The following PIK3C2G variants were observed in gnomAD, a reference collection of about 807,000 sequenced individuals.
PIK3C2G encodes the protein phosphatidylinositol-4-phosphate 3-kinase catalytic subunit type 2 gamma, also known as phosphatidylinositol 3-kinase C2 domain-containing subunit gamma.
In PIK3C2G, 168 loss-of-function variants were observed where a neutral mutation model predicts 181.1. The observed-to-expected ratio is 0.93, with a 90% CI of 0.82 to 1.05. The LOEUF (loss-of-function observed/expected upper bound fraction) is 1.05, where lower values mean the gene tolerates loss of function less well. Ranked by LOEUF, PIK3C2G falls within the 50% of genes least tolerant of loss-of-function variation. The pLI, the probability that PIK3C2G is intolerant of heterozygous loss-of-function variation, is 0.00. For missense variants in PIK3C2G, 1,869 were observed against 1,732.8 expected, an observed-to-expected ratio of 1.08 and a Z score of -1.40; for synonymous variants, 573 against 592.2, an observed-to-expected ratio of 0.97 and a Z score of 0.47.
At position 18,424,010 on chromosome 12, in the gene PIK3C2G, G is replaced by C; in HGVS notation, c.2475G>C (p.Gln825His). The C allele has an allele frequency of 6.2e-7, 1 of 1,611,150 alleles. No homozygotes were observed. Among genetic ancestry groups the C allele is most frequent in the Non-Finnish European group, 8.5e-7 (1 of 1,178,514 alleles). The change falls in exon 18 of 33, where the codon CAG becomes CAC. Residue 825 changes from glutamine to histidine, a missense_variant. Transcript: ENST00000538779. ...LVQLLLHRSL[Q>H]SIQVAHRLYW... ...AACTTCTACTCCACCGCTCCTTGCA[G>C]AGCATCCAGGTTGCCCATCGTCTTT...
chr12:18,397,314 CA>C (rs1308980138), intron 15 of PIK3C2G, among the ~76,000 whole-genome samples: 2 of 151,756 alleles, frequency 1.3e-5, no homozygotes, highest in African/African-American at 4.8e-5. Context: ...TGGACATTAT[CA>C]AAATTTAAAA....
intron 18 of PIK3C2G, among the ~76,000 whole-genome samples, chr12:18,466,534 T>A (rs1014909299): frequency 1.3e-5 from 2 of 151,956 alleles, no homozygotes; most frequent in Middle Eastern, 3.2e-3. Context: ...CATTTTAAAG[T>A]TAATTTTATT....
At chr12:18,321,791 G>A (rs1160350213) in intron 7 of PIK3C2G, among the ~76,000 whole-genome samples, 1 of 152,212 alleles carries the variant, frequency 6.6e-6, no homozygotes, top group African/African-American at 2.4e-5. Context: ...TCTCTTGCGG[G>A]ACAGAGATGG....
chr12:18,428,383 T>G (rs1945960166), intron 18 of PIK3C2G, among the ~76,000 whole-genome samples: 5 of 152,072 alleles, frequency 3.3e-5, no homozygotes, highest in Admixed American at 2.6e-4. Context: ...TTATGAGATT[T>G]TTTTTCACGT....
chr12:18,708,355 G>T, the PIK3C2G span, among the ~76,000 whole-genome samples: 35 of 151,664 alleles, frequency 2.3e-4, no homozygotes, highest in African/African-American at 7.7e-4. Flanking sequence ...CTCATTCTTT[G>T]TAAAGACTGA....
At chr12:18,254,604 G>A (rs979678356) in intron 1 of PIK3C2G, among the ~76,000 whole-genome samples, 2 of 151,894 alleles carry the variant, frequency 1.3e-5, no homozygotes, top group Non-Finnish European at 2.9e-5. Flanking sequence ...GAGCACTTTG[G>A]GAGGCCAAGG....
At chr12:18,673,129 G>A in the PIK3C2G span, among the ~76,000 whole-genome samples, 1 of 152,092 alleles carries the variant, frequency 6.6e-6, no homozygotes, top group Non-Finnish European at 1.5e-5. Flanking sequence ...GTATGAAGAA[G>A]ACAGGCTTAA....
intron 22 of PIK3C2G, among the ~76,000 whole-genome samples, chr12:18,502,540 T>G (rs1941563492): frequency 6.6e-6 from 1 of 152,204 alleles, no homozygotes; most frequent in Admixed American, 6.5e-5. Context: ...TGAGAGAGCT[T>G]TAAGTACTGG....
At chr12:18,632,852 A>G (rs373945884) in intron 31 of PIK3C2G, among the ~76,000 whole-genome samples, 16 of 152,306 alleles carry the variant, frequency 1.1e-4, no homozygotes, top group African/African-American at 3.8e-4. Flanking sequence ...TCTGGATTCA[A>G]ATGCTGATCT....
At chr12:18,326,829 A>G (rs1369453663) in intron 8 of PIK3C2G, among the ~76,000 whole-genome samples, 7 of 152,264 alleles carry the variant, frequency 4.6e-5, no homozygotes, top group Non-Finnish European at 2.9e-5. Context: ...TACTATGTGT[A>G]GAAATACTTT....
At chr12:18,324,985 TAA>T in intron 7 of PIK3C2G, 48 bp from the exon 8 acceptor site, 1 of 907,096 alleles carries the variant, frequency 1.1e-6, no homozygotes, top group South Asian at 1.5e-5. Flanking sequence ...AAAGGTAATA[TAA>T]GTTTTCCCAC....
At chr12:18,707,724 A>G in the PIK3C2G span, among the ~76,000 whole-genome samples, 1 of 152,074 alleles carries the variant, frequency 6.6e-6, no homozygotes, top group East Asian at 1.9e-4. Flanking sequence ...TCTTTTTCCA[A>G]ATAGTGACTA....
chr12:18,311,919 T>C (rs781351883), intron 5 of PIK3C2G, among the ~76,000 whole-genome samples: 11 of 152,098 alleles, frequency 7.2e-5, no homozygotes, highest in Non-Finnish European at 1.6e-4. Flanking sequence ...CTTCAGTCTG[T>C]GGATGAAAGT....
chr12:18,647,509 T>C (rs761353539), intron 32 of PIK3C2G, among the ~76,000 whole-genome samples: 1 of 151,986 alleles, frequency 6.6e-6, no homozygotes, highest in Non-Finnish European at 1.5e-5. Flanking sequence ...AGAAGAATGA[T>C]GTTCTCTTTT....
At chr12:18,343,620 TAAA>T (rs1248610753) in intron 10 of PIK3C2G, among the ~76,000 whole-genome samples, 1 of 151,880 alleles carries the variant, frequency 6.6e-6, no homozygotes, top group Non-Finnish European at 1.5e-5. Flanking sequence ...ATGAGAAAAA[TAAA>T]AAGATCTATA....
chr12:18,585,666 A>G (rs1946735141), intron 29 of PIK3C2G, among the ~76,000 whole-genome samples: 1 of 152,200 alleles, frequency 6.6e-6, no homozygotes, highest in African/African-American at 2.4e-5. Flanking sequence ...AAAGATGTTG[A>G]GGACCTGAAC....
At chr12:18,668,464 G>A in the PIK3C2G span, among the ~76,000 whole-genome samples, 32 of 152,332 alleles carry the variant, frequency 2.1e-4, no homozygotes, top group South Asian at 6.2e-3. Flanking sequence ...GCACCAAGGT[G>A]AGACAAGGAC....
At chr12:18,598,181 G>T (rs1452124643) in intron 30 of PIK3C2G, among the ~76,000 whole-genome samples, 1 of 151,744 alleles carries the variant, frequency 6.6e-6, no homozygotes, top group African/African-American at 2.4e-5. Flanking sequence ...AAAAGAGCCC[G>T]CGTTGCCAAG....
chr12:18,683,224 A>G, the PIK3C2G span: 4 of 1,609,248 alleles, frequency 2.5e-6, no homozygotes, highest in South Asian at 4.4e-5. Flanking sequence ...ATGATATGTC[A>G]TTTATCATTA....
Sources: allele counts gnomAD v4.1 joint callset (sites outside exome capture counted in the v4.1 genomes callset), GRCh38; gene constraint gnomAD v4.1.1; transcripts MANE v1.5; gene names NCBI Gene and HGNC (gene_info 2026-07-23, HGNC 2026-07-21).